Variants in GRID2 observed in about 807,000 individuals in gnomAD.
GRID2 encodes the protein glutamate receptor ionotropic, delta-2.
GRID2 carries 33 observed loss-of-function variants against 114.8 expected under a neutral mutation model. The ratio of observed to expected loss-of-function variants is 0.29; its 90% CI spans 0.22 to 0.38. The LOEUF is 0.38. Among genes scored for constraint, GRID2 ranks in the 10% least tolerant of loss-of-function variants. The probability of loss-of-function intolerance (pLI) is 1.00; values close to 1 mark genes in which losing one functional copy is unlikely to be tolerated. For synonymous variants in GRID2, 505 were observed against 449.9 expected (o/e 1.12, Z -1.55); for missense variants, 1,184 against 1,257.7 (o/e 0.94, Z 0.89).
intron 2 of GRID2, among the ~76,000 whole-genome samples, chr4:92,819,231 A>G (rs1043177158): frequency 6.6e-6 from 1 of 152,162 alleles, no homozygotes. Context: ...ATACATCACA[A>G]TCACCCATGG....
At chr4:93,345,393 A>G (rs550547496) in intron 8 of GRID2, among the ~76,000 whole-genome samples, 1 of 152,066 alleles carries the variant, frequency 6.6e-6, no homozygotes, top group South Asian at 2.1e-4. Context: ...TTCCCTGAAT[A>G]TTAATGATGT....
intron 2 of GRID2, among the ~76,000 whole-genome samples, chr4:92,789,339 T>G (rs576087925): frequency 6.6e-6 from 1 of 152,042 alleles, no homozygotes; most frequent in African/African-American, 2.4e-5. Flanking sequence ...TATCACTGTT[T>G]TCAGGACTCC....
intron 4 of GRID2, among the ~76,000 whole-genome samples, chr4:93,197,252 C>A (rs1269059898): frequency 6.6e-6 from 1 of 152,142 alleles, no homozygotes; most frequent in African/African-American, 2.4e-5. Flanking sequence ...AACTTAGAAG[C>A]AGAGGGCTAT....
chr4:92,752,979 T>C (rs547952336), intron 2 of GRID2, among the ~76,000 whole-genome samples: 20 of 152,304 alleles, frequency 1.3e-4, no homozygotes, highest in African/African-American at 4.3e-4. Context: ...TTAATCTTTA[T>C]GGTAATCAAC....
At chr4:92,412,242 A>G (rs965459504) in intron 1 of GRID2, among the ~76,000 whole-genome samples, 1 of 152,158 alleles carries the variant, frequency 6.6e-6, no homozygotes, top group South Asian at 2.1e-4. Flanking sequence ...TTACAGTTCC[A>G]TATTGACATA....
At chr4:92,432,942 G>A (rs1732536491) in intron 1 of GRID2, among the ~76,000 whole-genome samples, 1 of 152,128 alleles carries the variant, frequency 6.6e-6, no homozygotes, top group Non-Finnish European at 1.5e-5. Context: ...CAAAGCCCAA[G>A]GGCTCTTTAT....
chr4:92,652,943 T>C lies in GRID2; in HGVS notation c.244+62657T>C, dbSNP rs1320362864. On this transcript the variant is annotated intron_variant, in intron 2 of 15. Coordinates refer to ENST00000282020, the MANE Select transcript of GRID2 (RefSeq NM_001510.4). ...ATACATATAAATATATATAAACATATATTTATAAATATATATAAACATATT... is the reference window on the plus strand; with the variant it reads ...ATACATATAAATATATATAAACATACATTTATAAATATATATAAACATATT... Among the ~76,000 whole-genome samples, 7 of 127,776 alleles carry C rather than the reference T, an allele frequency of 5.5e-5. No homozygotes were observed. The East Asian group carries it at 8.3e-4, about 15-fold the overall frequency. The allele number at this position is 127,776 out of a possible 152,430, so 83.8% of individuals were successfully genotyped here.
intron 2 of GRID2, among the ~76,000 whole-genome samples, chr4:92,737,728 A>G (rs1267369463): frequency 6.6e-6 from 1 of 152,154 alleles, no homozygotes; most frequent in African/African-American, 2.4e-5. Flanking sequence ...ACAGATCTAT[A>G]AGATCTTCAA....
chr4:93,188,232 TG>T (rs1166859228), intron 4 of GRID2, among the ~76,000 whole-genome samples: 1 of 152,196 alleles, frequency 6.6e-6, no homozygotes, highest in African/African-American at 2.4e-5. Context: ...GAGCTTCATT[TG>T]AAATCTAGAG....
At chr4:93,767,398 C>T (rs1733757431) in intron 14 of GRID2, among the ~76,000 whole-genome samples, 3 of 152,100 alleles carry the variant, frequency 2.0e-5, no homozygotes. Context: ...TGACATATAA[C>T]CCATTAATAT....
At chr4:92,502,876 C>T (rs1430925044) in intron 1 of GRID2, among the ~76,000 whole-genome samples, 1 of 151,800 alleles carries the variant, frequency 6.6e-6, no homozygotes, top group Non-Finnish European at 1.5e-5. Flanking sequence ...TGCCACCACG[C>T]CCAGCTGATT....
chr4:93,615,317 A>G (rs1383717214), intron 13 of GRID2, among the ~76,000 whole-genome samples: 1 of 152,120 alleles, frequency 6.6e-6, no homozygotes, highest in Non-Finnish European at 1.5e-5. Context: ...ATTTTTAAAC[A>G]CTCTGAAGCA....
chr4:93,003,305 T>A (rs1263502718), intron 2 of GRID2, among the ~76,000 whole-genome samples: 3 of 151,974 alleles, frequency 2.0e-5, no homozygotes, highest in South Asian at 2.1e-4. Context: ...TTTAATTGAT[T>A]AATTACTGTT....
intron 1 of GRID2, among the ~76,000 whole-genome samples, chr4:92,474,223 G>T (rs1722183581): frequency 6.6e-6 from 1 of 151,852 alleles, no homozygotes; most frequent in South Asian, 2.1e-4. Context: ...CTGTTTATAT[G>T]AATTTGGATT....
rs184317805 is a variant in GRID2 at position 93,768,169 on chromosome 4, C to A, written c.2361-1041C>A. On this transcript the variant is annotated intron_variant, in intron 14 of 15. Transcript: ENST00000282020. Reference sequence around the variant, plus strand: ...CTATAGAGCTATGGTGCACCCGTGGCTGTAAGATCTTCTGCCAGGAGGACA... The same window carrying A: ...CTATAGAGCTATGGTGCACCCGTGGATGTAAGATCTTCTGCCAGGAGGACA... Among the ~76,000 whole-genome samples the A allele has an allele frequency of 1.3e-3, 192 of 152,314 alleles. 1 individual carries two copies. The highest frequency in any genetic ancestry group is 4.5e-3 in the African/African-American group (186 of 41,574).
At chr4:92,405,461 C>T (rs1367356873) in intron 1 of GRID2, among the ~76,000 whole-genome samples, 12 of 151,946 alleles carry the variant, frequency 7.9e-5, no homozygotes, top group Admixed American at 7.9e-4. Flanking sequence ...GTAAGTACTA[C>T]ATAGAAAAGA....
chr4:93,252,291 A>T (rs892414080), intron 8 of GRID2, among the ~76,000 whole-genome samples: 3 of 146,632 alleles, frequency 2.0e-5, no homozygotes, highest in Non-Finnish European at 3.0e-5. Flanking sequence ...ATGGCTAGCC[A>T]GTTATTTCAG....
At chr4:93,771,412 G>C (rs750948346) in intron 15 of GRID2, among the ~76,000 whole-genome samples, 14 of 152,218 alleles carry the variant, frequency 9.2e-5, no homozygotes, top group Non-Finnish European at 1.8e-4. Flanking sequence ...GACTTGAAGG[G>C]GTCCCTAAAT....
At chr4:92,801,460 A>G (rs1740166739) in intron 2 of GRID2, among the ~76,000 whole-genome samples, 1 of 151,930 alleles carries the variant, frequency 6.6e-6, no homozygotes, top group South Asian at 2.1e-4. Flanking sequence ...TAAGGTAAAC[A>G]TTGTAAACAC....
Sources: allele counts gnomAD v4.1 joint callset (sites outside exome capture counted in the v4.1 genomes callset), GRCh38; gene constraint gnomAD v4.1.1; transcripts MANE v1.5; gene names NCBI Gene and HGNC (gene_info 2026-07-23, HGNC 2026-07-21).